PDZD2: variants seen among roughly 807,000 people sequenced by gnomAD.
PDZD2 encodes PDZ domain containing 2.
A neutral mutation model predicts 220.7 loss-of-function variants in PDZD2; 90 were observed. The ratio of observed to expected loss-of-function variants is 0.41; its 90% CI spans 0.34 to 0.49. The LOEUF (loss-of-function observed/expected upper bound fraction) is 0.49, where lower values mean the gene tolerates loss of function less well. PDZD2 is among the 20% of genes least tolerant of loss of function. The pLI is 0.28. For missense variants in PDZD2, 3,174 were observed against 3,608.5 expected (o/e 0.88, Z 3.08); for synonymous variants, 1,375 against 1,450.5 (o/e 0.95, Z 1.18).
At chr5:31,985,804 C>T (rs567819622) in intron 3 of PDZD2, among the ~76,000 whole-genome samples, 2 of 151,558 alleles carry the variant, frequency 1.3e-5, no homozygotes, top group South Asian at 4.2e-4. Flanking sequence ...TCTGGCCGGG[C>T]GCAGTGGCTC....
intron 1 of PDZD2, among the ~76,000 whole-genome samples, chr5:31,682,222 C>T (rs1048752061): frequency 2.0e-5 from 3 of 152,222 alleles, no homozygotes; most frequent in South Asian, 2.1e-4. Flanking sequence ...ACAAGCTTCG[C>T]AGAGGGGCTT....
chr5:31,774,492 T>A (rs1282385635), intron 1 of PDZD2, among the ~76,000 whole-genome samples: 1 of 152,020 alleles, frequency 6.6e-6, no homozygotes, highest in Non-Finnish European at 1.5e-5. Flanking sequence ...GGCAGGCAGA[T>A]CACGTGAGGT....
chr5:32,076,766 AC>A (rs1741342903), intron 18 of PDZD2, among the ~76,000 whole-genome samples: 1 of 152,240 alleles, frequency 6.6e-6, no homozygotes, highest in African/African-American at 2.4e-5. Context: ...CATTTGTGTT[AC>A]TAATAAATAG....
chr5:31,836,351 C>A (rs1262289983), intron 2 of PDZD2, among the ~76,000 whole-genome samples: 1 of 151,424 alleles, frequency 6.6e-6, no homozygotes, highest in Non-Finnish European at 1.5e-5. Flanking sequence ...CTTGCCTCAG[C>A]CTCCCAAGTA....
chr5:31,779,006 C>G (rs961916678), intron 1 of PDZD2, among the ~76,000 whole-genome samples: 1 of 152,172 alleles, frequency 6.6e-6, no homozygotes, highest in African/African-American at 2.4e-5. Context: ...CAAACATTTT[C>G]TCATATACTT....
At chr5:31,732,012 C>T (rs1305714838) in intron 1 of PDZD2, among the ~76,000 whole-genome samples, 1 of 152,134 alleles carries the variant, frequency 6.6e-6, no homozygotes, top group East Asian at 1.9e-4. Flanking sequence ...TTAGAAAGAA[C>T]CTTAAAAATC....
chr5:31,880,581 AT>A (rs1739774307), intron 2 of PDZD2, among the ~76,000 whole-genome samples: 1 of 152,048 alleles, frequency 6.6e-6, no homozygotes, highest in Non-Finnish European at 1.5e-5. Context: ...CCCTATTTTG[AT>A]TGGCTGTTGG....
intron 1 of PDZD2, among the ~76,000 whole-genome samples, chr5:31,697,446 G>A (rs1304606727): frequency 6.6e-6 from 1 of 152,196 alleles, no homozygotes; most frequent in African/African-American, 2.4e-5. Flanking sequence ...CTGGGTAACA[G>A]AGTGAGACTC....
At chr5:31,854,309 G>T (rs1758235910) in intron 2 of PDZD2, among the ~76,000 whole-genome samples, 1 of 152,228 alleles carries the variant, frequency 6.6e-6, no homozygotes. Flanking sequence ...GCCTCCTGGG[G>T]GAGGGCTTGT....
intron 6 of PDZD2, among the ~76,000 whole-genome samples, chr5:32,029,030 G>A (rs562070651): frequency 1.1e-3 from 171 of 152,152 alleles, no homozygotes; most frequent in Non-Finnish European, 1.9e-3. Context: ...GCTGGATGCT[G>A]GAAAAAGATT....
chr5:31,792,840 A>C (rs1580766340), intron 1 of PDZD2, among the ~76,000 whole-genome samples: 1 of 150,824 alleles, frequency 6.6e-6, no homozygotes, highest in Middle Eastern at 3.5e-3. Flanking sequence ...TAATTTTATT[A>C]TTATTATTAT....
intron 1 of PDZD2, among the ~76,000 whole-genome samples, chr5:31,643,149 G>A (rs889006384): frequency 6.6e-6 from 1 of 152,188 alleles, no homozygotes; most frequent in African/African-American, 2.4e-5. Context: ...CTGCTGTATA[G>A]GGGGTCCTTT....
At chr5:32,038,182 T>TG (rs765544553) in intron 7 of PDZD2, among the ~76,000 whole-genome samples, 1 of 109,056 alleles carries the variant, frequency 9.2e-6, no homozygotes. Context: ...TTTCCTCCAT[T>TG]AAAAAAAAAA....
chr5:32,057,513 G>T (rs1365095964), intron 10 of PDZD2, 142 bp from the exon 11 acceptor site: 4 of 596,184 alleles, frequency 6.7e-6, no homozygotes, highest in Admixed American at 6.2e-5. Context: ...GACATTCCTG[G>T]GAGCTAAGCT....
intron 1 of PDZD2, among the ~76,000 whole-genome samples, chr5:31,748,397 AAG>A (rs1290879994): frequency 6.6e-6 from 1 of 152,188 alleles, no homozygotes; most frequent in Non-Finnish European, 1.5e-5. Flanking sequence ...TTCATCTGTA[AAG>A]TGGCTGGGGG....
intron 1 of PDZD2, among the ~76,000 whole-genome samples, chr5:31,689,313 A>G (rs974811733): frequency 8.4e-6 from 1 of 119,092 alleles, no homozygotes; most frequent in Non-Finnish European, 1.6e-5. Context: ...ACATACATAC[A>G]TATACACATA....
intron 6 of PDZD2, among the ~76,000 whole-genome samples, chr5:32,018,286 A>G (rs1227693976): frequency 6.6e-6 from 1 of 152,184 alleles, no homozygotes; most frequent in Admixed American, 6.5e-5. Context: ...TGAGATTATA[A>G]AAAGTGAAAG....
At chr5:31,916,263 C>T (rs1040935074) in intron 2 of PDZD2, among the ~76,000 whole-genome samples, 2 of 152,224 alleles carry the variant, frequency 1.3e-5, no homozygotes, top group African/African-American at 4.8e-5. Context: ...GGAGCAGGCT[C>T]ATCTCCCTCG....
At chr5:32,102,637 C>CACA (rs901353391) in intron 24 of PDZD2, among the ~76,000 whole-genome samples, 2 of 152,040 alleles carry the variant, frequency 1.3e-5, no homozygotes, top group Admixed American at 1.3e-4. Context: ...TAAGAGCCCT[C>CACA]ACAACAGAAA....
Sources: allele counts gnomAD v4.1 joint callset (sites outside exome capture counted in the v4.1 genomes callset), GRCh38; gene constraint gnomAD v4.1.1; transcripts MANE v1.5; gene names NCBI Gene and HGNC (gene_info 2026-07-23, HGNC 2026-07-21).